CNTNAP2: variants seen among roughly 807,000 people sequenced by gnomAD.
CNTNAP2 encodes the protein contactin associated protein 2.
Under a neutral mutation model 155.2 loss-of-function variants are expected in CNTNAP2, and 98 were observed. The ratio of observed to expected loss-of-function variants is 0.63; its 90% CI spans 0.54 to 0.75. The LOEUF (loss-of-function observed/expected upper bound fraction) is 0.75. Among genes scored for constraint, CNTNAP2 ranks in the 30% least tolerant of loss-of-function variants. The pLI is 0.00. For synonymous variants in CNTNAP2, 651 were observed against 631.2 expected, an observed-to-expected ratio of 1.03 and a Z score of -0.47; for missense variants, 1,727 against 1,688.1, an observed-to-expected ratio of 1.02 and a Z score of -0.40.
At chr7:147,878,561 T>G (rs1799465083) in intron 13 of CNTNAP2, among the ~76,000 whole-genome samples, 1 of 152,218 alleles carries the variant, frequency 6.6e-6, no homozygotes, top group Non-Finnish European at 1.5e-5. Flanking sequence ...ATTTTTGTCT[T>G]TTTATCAAAT....
intron 12 of CNTNAP2, among the ~76,000 whole-genome samples, chr7:147,615,099 A>AT (rs1378556117): frequency 1.3e-5 from 2 of 148,616 alleles, no homozygotes; most frequent in Non-Finnish European, 3.0e-5. Context: ...ATCAAAAAAA[A>AT]AAAAAAGAAA....
intron 3 of CNTNAP2, among the ~76,000 whole-genome samples, chr7:146,918,590 T>C (rs1014240894): frequency 2.0e-5 from 3 of 152,218 alleles, no homozygotes; most frequent in African/African-American, 4.8e-5. Context: ...TACCTCATGC[T>C]TTTGCCTCAC....
At chr7:147,592,237 G>T (rs1205546515) in intron 12 of CNTNAP2, among the ~76,000 whole-genome samples, 1 of 152,116 alleles carries the variant, frequency 6.6e-6, no homozygotes, top group Non-Finnish European at 1.5e-5. Flanking sequence ...GAATAAAAAT[G>T]ATTAGATAGA....
chr7:146,122,473 A>C (rs1304241681), intron 1 of CNTNAP2, among the ~76,000 whole-genome samples: 1 of 152,236 alleles, frequency 6.6e-6, no homozygotes, highest in Non-Finnish European at 1.5e-5. Flanking sequence ...ACTGAGATTG[A>C]CTGTACTCAG....
chr7:148,223,699 T>G lies in CNTNAP2; in HGVS notation c.3248-5947T>G, dbSNP rs114934364. On this transcript the variant is annotated intron_variant, in intron 19 of 23. Coordinates refer to ENST00000361727, the MANE Select transcript of CNTNAP2 (RefSeq NM_014141.6). ...CATTACTGTTTATAGATAGTCACTATATATAAATTTAAAGTTCCAACTCAT... is the reference window on the plus strand; with the variant it reads ...CATTACTGTTTATAGATAGTCACTAGATATAAATTTAAAGTTCCAACTCAT... Among the ~76,000 whole-genome samples, 700 of 152,344 alleles carry G rather than the reference T, an allele frequency of 4.6e-3. 1 individual carries two copies. Among genetic ancestry groups the G allele is most frequent in the African/African-American group, 0.016 (662 of 41,576 alleles).
chr7:146,809,034 G>A (rs1803017818), intron 2 of CNTNAP2, among the ~76,000 whole-genome samples: 1 of 152,264 alleles, frequency 6.6e-6, no homozygotes, highest in Non-Finnish European at 1.5e-5. Context: ...GCATAAAAAT[G>A]CAGATATCCC....
intron 9 of CNTNAP2, among the ~76,000 whole-genome samples, chr7:147,387,868 C>T (rs926782496): frequency 1.3e-5 from 2 of 152,174 alleles, no homozygotes; most frequent in Admixed American, 1.3e-4. Context: ...CTATGTTCTG[C>T]TTCCAACTTT....
intron 10 of CNTNAP2, among the ~76,000 whole-genome samples, chr7:147,422,856 T>C (rs1476412767): frequency 6.6e-6 from 1 of 152,234 alleles, no homozygotes; most frequent in Non-Finnish European, 1.5e-5. Context: ...CAAAATACTT[T>C]GTTATTATTG....
At chr7:147,041,879 T>C (rs964119789) in intron 3 of CNTNAP2, among the ~76,000 whole-genome samples, 4 of 152,200 alleles carry the variant, frequency 2.6e-5, no homozygotes, top group South Asian at 2.1e-4. Context: ...CCATATCCAA[T>C]TGTAGATTTA....
chr7:147,669,727 C>G (rs1025375438), intron 13 of CNTNAP2, among the ~76,000 whole-genome samples: 14 of 152,206 alleles, frequency 9.2e-5, no homozygotes, highest in African/African-American at 3.4e-4. Flanking sequence ...TTTTGTTTCC[C>G]ATTGGCACCA....
intron 3 of CNTNAP2, among the ~76,000 whole-genome samples, chr7:146,873,059 T>C (rs1411070662): frequency 6.6e-6 from 1 of 152,200 alleles, no homozygotes; most frequent in Non-Finnish European, 1.5e-5. Flanking sequence ...AGTTCAAAGA[T>C]ACTAACATTT....
At chr7:146,761,341 G>T (rs568768846) in intron 1 of CNTNAP2, among the ~76,000 whole-genome samples, 1 of 150,300 alleles carries the variant, frequency 6.7e-6, no homozygotes, top group Non-Finnish European at 1.5e-5. Flanking sequence ...AAGGAAAATA[G>T]GAAAGTGTGT....
intron 14 of CNTNAP2, among the ~76,000 whole-genome samples, chr7:147,937,974 C>A (rs1800644637): frequency 6.6e-6 from 1 of 152,102 alleles, no homozygotes; most frequent in African/African-American, 2.4e-5. Context: ...ATGGTTAATT[C>A]TCAGGGGCAG....
At chr7:146,745,564 C>G (rs1010381247) in intron 1 of CNTNAP2, among the ~76,000 whole-genome samples, 3 of 151,902 alleles carry the variant, frequency 2.0e-5, no homozygotes, top group South Asian at 4.2e-4. Context: ...GCCAGGAGAT[C>G]GAGACCATCC....
At chr7:147,675,526 GA>G (rs1305561008) in intron 13 of CNTNAP2, among the ~76,000 whole-genome samples, 6 of 152,010 alleles carry the variant, frequency 3.9e-5, no homozygotes, top group Admixed American at 1.3e-4. Flanking sequence ...TCAGAAAGAA[GA>G]AATTTATTCT....
At chr7:148,024,986 C>T (rs1802351221) in intron 15 of CNTNAP2, among the ~76,000 whole-genome samples, 1 of 152,186 alleles carries the variant, frequency 6.6e-6, no homozygotes, top group Non-Finnish European at 1.5e-5. Flanking sequence ...AGCTAGCTGA[C>T]TTTGTTAGCT....
chr7:148,041,882 A>AT (rs1325792329), intron 15 of CNTNAP2, among the ~76,000 whole-genome samples: 1 of 152,170 alleles, frequency 6.6e-6, no homozygotes, highest in African/African-American at 2.4e-5. Context: ...ATAACAAATT[A>AT]TTTTTTTAAA....
At chr7:146,286,783 G>A (rs917491839) in intron 1 of CNTNAP2, among the ~76,000 whole-genome samples, 3 of 152,106 alleles carry the variant, frequency 2.0e-5, no homozygotes, top group African/African-American at 4.8e-5. Flanking sequence ...ACTTGACCCA[G>A]TGCATTTCTT....
chr7:146,416,608 A>G lies in CNTNAP2; in HGVS notation c.97+299635A>G, dbSNP rs115925251. The stretch of plus-strand genomic sequence containing the variant: ...TTTAAAAATATGCAGCTTATTATCT[A>G]AAGAAAGACCTTTCTAACCCTTCCA... On this transcript the variant is annotated intron_variant, in intron 1 of 23. Transcript: ENST00000361727. Among the ~76,000 whole-genome samples the G allele has an allele frequency of 4.9e-3, 753 of 152,196 alleles. 9 individuals carry two copies. Among genetic ancestry groups the G allele is most frequent in the African/African-American group, 0.017 (702 of 41,540 alleles).
Sources: allele counts gnomAD v4.1 joint callset (sites outside exome capture counted in the v4.1 genomes callset), GRCh38; gene constraint gnomAD v4.1.1; transcripts MANE v1.5; gene names NCBI Gene and HGNC (gene_info 2026-07-23, HGNC 2026-07-21).